DENND3: variants seen among roughly 807,000 people sequenced by gnomAD.
DENND3 encodes DENN domain-containing protein 3.
Under a neutral mutation model 135.1 loss-of-function variants are expected in DENND3, and 88 were observed. The observed-to-expected ratio is 0.65, with a 90% confidence interval of 0.55 to 0.78. The LOEUF (loss-of-function observed/expected upper bound fraction) is 0.78. DENND3 is among the 30% of genes least tolerant of loss of function. The probability of loss-of-function intolerance (pLI) is 0.00; values close to 1 mark genes in which losing one functional copy is unlikely to be tolerated. For missense variants in DENND3, 1,392 were observed against 1,688.4 expected, an observed-to-expected ratio of 0.82 and a Z score of 3.08; for synonymous variants, 693 against 712.3, an observed-to-expected ratio of 0.97 and a Z score of 0.43.
intron 5 of DENND3, among the ~76,000 whole-genome samples, chr8:141,148,016 G>A (rs974586543): frequency 6.6e-6 from 1 of 152,206 alleles, no homozygotes; most frequent in African/African-American, 2.4e-5. Context: ...CTGTTTTAGG[G>A]AATGTCATAC....
Position 141,166,594 on chromosome 8 carries a change from T to C in DENND3, c.1753+205T>C, listed in dbSNP as rs1820825848. Among the ~76,000 whole-genome samples, 1 of 152,236 alleles carries C rather than the reference T, an allele frequency of 6.6e-6. No homozygotes were observed. The stretch of plus-strand genomic sequence containing the variant: ...CTCGTCTGTATTTTCTGCCACCCAG[T>C]GTCACCGCTAAAGATAACGGGGGCT... On this transcript the variant is annotated intron_variant, in intron 12 of 22. Transcript: ENST00000519811. This position sits in a 1 kb window ranked among gnomAD's most constrained non-coding sequence, Gnocchi z 4.3.
At position 141,175,752 on chromosome 8, in the gene DENND3, T is replaced by C; in HGVS notation, c.2535+293T>C. ...GGAGGCAGGAAGTAAGAATGTGGGCTGACATTCTCATTAGGGACAGTAGGA... is the reference window on the plus strand; with the variant it reads ...GGAGGCAGGAAGTAAGAATGTGGGCCGACATTCTCATTAGGGACAGTAGGA... On this transcript the variant is annotated intron_variant, in intron 14 of 22. Coordinates refer to ENST00000519811, the MANE Select transcript of DENND3 (RefSeq NM_001352890.3). This position sits in a 1 kb window ranked among gnomAD's most constrained non-coding sequence, Gnocchi z 5.4. The C allele has an allele frequency of 2.2e-6, 1 of 453,522 alleles. No homozygotes were observed. The highest frequency in any genetic ancestry group is 4.1e-6 in the Non-Finnish European group (1 of 243,784). 28.1% of individuals were successfully genotyped at this position (453,522 alleles called of 1,614,324 possible).
rs1397733245 is a variant in DENND3, at chr8:141,168,787, G to C, written c.2275+262G>C. Reference sequence around the variant, plus strand: ...GCTGGTCTCGAACTCCTGGGCTCAAGTGATCCACCCACCTCGGCCTCCCTA... The same window carrying C: ...GCTGGTCTCGAACTCCTGGGCTCAACTGATCCACCCACCTCGGCCTCCCTA... On this transcript the variant is annotated intron_variant, in intron 13 of 22. Coordinates refer to ENST00000519811, the MANE Select transcript of DENND3 (RefSeq NM_001352890.3). This position sits in a 1 kb window ranked among gnomAD's most constrained non-coding sequence, Gnocchi z 6.2. 2.0e-5 allele frequency among the ~76,000 whole-genome samples: 3 copies of C among 152,098 alleles called. No homozygotes were observed. The highest frequency in any genetic ancestry group is 4.4e-5 in the Non-Finnish European group (3 of 68,012).
chr8:141,192,750 A>G, intron 22 of DENND3, 87 bp downstream of exon 22: 1 of 1,607,370 alleles, frequency 6.2e-7, no homozygotes, highest in South Asian at 1.1e-5. Context: ...AGCCAGCCGC[A>G]CGCCCTCGTG....
intron 1 of DENND3, among the ~76,000 whole-genome samples, chr8:141,131,678 A>C (rs1569554691): frequency 6.6e-6 from 1 of 152,370 alleles, no homozygotes; most frequent in East Asian, 1.9e-4. Flanking sequence ...AGTGAAGATG[A>C]ATTCCACTGT....
At position 141,175,512 on chromosome 8, in the gene DENND3, G is replaced by GA. The variant is rs780572192; in HGVS notation, c.2535+54dup. ...AGACCCCACCTGTGTTTAGGAGACA[G>GA]ATGGCTGGAGTGGGCCCTGAGCAGT... On this transcript the variant is annotated intron_variant, in intron 14 of 22. Coordinates refer to ENST00000519811, the MANE Select transcript of DENND3 (RefSeq NM_001352890.3). The surrounding 1 kb of genome is among the most constrained non-coding windows in gnomAD (Gnocchi z 5.4). The GA allele has an allele frequency of 4.3e-5, 69 of 1,612,600 alleles. No individual in the cohort carries two copies. In the East Asian group the frequency reaches 1.5e-3, roughly 35 times the overall value.
intron 1 of DENND3, among the ~76,000 whole-genome samples, chr8:141,134,511 C>A (rs1816536589): frequency 6.6e-6 from 1 of 151,810 alleles, no homozygotes; most frequent in South Asian, 2.1e-4. Context: ...TGTCGATCTC[C>A]TGACCTCGTG....
At chr8:141,151,895 C>G (rs1589592877) in intron 7 of DENND3, 58 bp downstream of exon 7, 1 of 1,587,516 alleles carries the variant, frequency 6.3e-7, no homozygotes, top group East Asian at 2.2e-5. Context: ...ATCACGGGGA[C>G]ACATGGGAAG....
chr8:141,190,130 G>GGTTATTATGTTTGCAT (rs1462437630), intron 19 of DENND3, among the ~76,000 whole-genome samples, 154 bp from the exon 20 acceptor site: 2 of 148,216 alleles, frequency 1.3e-5, no homozygotes, highest in Non-Finnish European at 3.0e-5. Context: ...TACGTTTGCA[G>GGTTATTATGTTTGCAT]GTTATTATGT....
In DENND3 at chr8:141,146,392, A is replaced by G. The variant is rs1818145494; in HGVS notation, c.735+2133A>G. Among the ~76,000 whole-genome samples the G allele has an allele frequency of 6.6e-6, 1 of 152,214 alleles. No individual in the cohort carries two copies. The highest frequency in any genetic ancestry group is 1.5e-5 in the Non-Finnish European group (1 of 68,042). Reference sequence around the variant, plus strand: ...CCTTTTGTTTGTTGAGAAACATGTCAGGTTGCTCAGCTATGTGAAGAAACC... The same window carrying G: ...CCTTTTGTTTGTTGAGAAACATGTCGGGTTGCTCAGCTATGTGAAGAAACC... On this transcript the variant is annotated intron_variant, in intron 5 of 22. Coordinates refer to ENST00000519811, the MANE Select transcript of DENND3 (RefSeq NM_001352890.3). The surrounding 1 kb of genome is among the most constrained non-coding windows in gnomAD (Gnocchi z 4.3).
rs200176874 is a variant in DENND3 at position 141,176,770 on chromosome 8, C to G, written c.2706+9C>G. 11 of 1,611,140 alleles carry G rather than the reference C, an allele frequency of 6.8e-6. No homozygotes were observed. The highest frequency in any genetic ancestry group is 5.3e-5 in the African/African-American group (4 of 74,848). ...TGGCCGATGACCACAAGGTGGGAGA[C>G]GCGGGTCCCCTCTGCCCTTTGCTGT... On this transcript the variant is annotated intron_variant, in intron 15 of 22. Coordinates refer to ENST00000519811, the MANE Select transcript of DENND3 (RefSeq NM_001352890.3).
chr8:141,176,807 G>A (rs751269584), intron 15 of DENND3, 46 bp downstream of exon 15: 35 of 1,596,488 alleles, frequency 2.2e-5, no homozygotes, highest in Non-Finnish European at 2.6e-5. Flanking sequence ...GCTGCCTCAG[G>A]GGCCTCTCGC....
In DENND3 at chr8:141,194,543, C is replaced by T. The variant is rs1188898972; in HGVS notation, c.*310C>T. On this transcript the variant is annotated 3_prime_UTR_variant, in exon 23 of 23. Coordinates refer to ENST00000519811, the MANE Select transcript of DENND3 (RefSeq NM_001352890.3). ...GTTGCCTAGAAAGTTCTGGAATCCACAACCAGGGGCTGGCACTGGAGCCAG... is the reference window on the plus strand; with the variant it reads ...GTTGCCTAGAAAGTTCTGGAATCCATAACCAGGGGCTGGCACTGGAGCCAG... The T allele has an allele frequency of 7.9e-5, 29 of 365,084 alleles. No individual in the cohort carries two copies. The South Asian group carries it at 8.4e-4, about 11-fold the overall frequency. The allele number at this position is 365,084 out of a possible 1,614,324, so 22.6% of individuals were successfully genotyped here. A position where few individuals can be genotyped will look rare whatever the true frequency, so the allele number is the denominator to read the frequency against.
Position 141,192,510 on chromosome 8 carries a change from G to T in DENND3, c.3499-16G>T. 6.2e-7 allele frequency: 1 copy of T among 1,603,928 alleles called. No homozygotes were observed. The highest frequency in any genetic ancestry group is 8.5e-7 in the Non-Finnish European group (1 of 1,174,048). On this transcript the variant is annotated splice_polypyrimidine_tract_variant and intron_variant, in intron 21 of 22. Transcript: ENST00000519811. The stretch of plus-strand genomic sequence containing the variant: ...TGGCCCGGGGCCCATAGCCCACACC[G>T]TGCCCTGCGTTTCAGGAGGAGCAGC...
At position 141,165,207 on chromosome 8, in the gene DENND3, C is replaced by T; in HGVS notation, c.1471C>T (p.His491Tyr). Residue 491 changes from histidine to tyrosine, a missense_variant, in exon 11 of 23, where the codon CAT (histidine) becomes TAT (tyrosine). Physicochemically the swap from His to Tyr is moderately conservative, Grantham distance 83 (BLOSUM62 2). Coordinates refer to ENST00000519811, the MANE Select transcript of DENND3 (RefSeq NM_001352890.3). The part of the protein sequence containing the change: ...YKQVLDTYMF[H>Y]SFLKARLNRR... Reference sequence around the variant, plus strand: ...CCAGGTCTTAGACACCTACATGTTCCATTCTTTTCTTAAAGCCCGGCTCAA... The same window carrying T: ...CCAGGTCTTAGACACCTACATGTTCTATTCTTTTCTTAAAGCCCGGCTCAA... 5 of 1,614,112 alleles carry T rather than the reference C, an allele frequency of 3.1e-6. No individual in the cohort carries two copies. Among genetic ancestry groups the T allele is most frequent in the Non-Finnish European group, 4.2e-6 (5 of 1,179,964 alleles).
chr8:141,188,087 G>GTGGTGGCATCAGCCAGGCA (rs1824153870), intron 18 of DENND3, among the ~76,000 whole-genome samples: 1 of 152,222 alleles, frequency 6.6e-6, no homozygotes, highest in East Asian at 1.9e-4. Context: ...TCAGCCAGGC[G>GTGGTGGCATCAGCCAGGCA]TGGTGGCCCA....
In DENND3 at chr8:141,175,202, C is replaced by T. The variant is rs1822172561; in HGVS notation, c.2278C>T (p.Gln760Ter). 1 of 1,612,724 alleles carries T rather than the reference C, an allele frequency of 6.2e-7. No individual in the cohort carries two copies. The highest frequency in any genetic ancestry group is 8.5e-7 in the Non-Finnish European group (1 of 1,179,148). The stretch of plus-strand genomic sequence containing the variant: ...TCTTTTCTTCTTATCAAACTAAGGA[C>T]AGGAGAAACAAATCGACCCAGAAAC... The part of the protein sequence containing the change: ...HRLFEALTVG[Q>*]EKQIDPETFK... The change falls in exon 14 of 23, where the codon CAG becomes TAG. Residue 760 changes from glutamine (Q) to a stop codon, truncating the protein, a stop_gained and splice_region_variant. Transcript: ENST00000519811. LOFTEE classifies it high-confidence loss of function. The surrounding 1 kb of genome is among the most constrained non-coding windows in gnomAD (Gnocchi z 5.4).
chr8:141,180,053 C>T (rs979821786), intron 16 of DENND3, among the ~76,000 whole-genome samples: 1 of 152,112 alleles, frequency 6.6e-6, no homozygotes, highest in African/African-American at 2.4e-5. Flanking sequence ...TTAGGTTTTG[C>T]CTGGAAACAT....
intron 17 of DENND3, among the ~76,000 whole-genome samples, chr8:141,184,106 C>G (rs1823569075): frequency 6.6e-6 from 1 of 152,244 alleles, no homozygotes; most frequent in Non-Finnish European, 1.5e-5. Flanking sequence ...CCTACAGCCT[C>G]TTCCCCAGAC....
Sources: allele counts gnomAD v4.1 joint callset (sites outside exome capture counted in the v4.1 genomes callset), GRCh38; gene constraint gnomAD v4.1.1; non-coding constraint Gnocchi (gnomAD v3.1); transcripts MANE v1.5; gene names NCBI Gene and HGNC (gene_info 2026-07-23, HGNC 2026-07-21).